BCL7B: variants seen among roughly 807,000 people sequenced by gnomAD.
BCL7B encodes the protein BAF chromatin remodeling complex subunit BCL7B.
A neutral mutation model predicts 26.5 loss-of-function variants in BCL7B; 11 were observed. That is an observed-to-expected ratio of 0.42 (90% confidence interval 0.26 to 0.69). The LOEUF (loss-of-function observed/expected upper bound fraction) is 0.69. Among genes scored for constraint, BCL7B ranks in the 30% least tolerant of loss-of-function variants. The probability of loss-of-function intolerance (pLI) is 0.28; values close to 1 mark genes in which losing one functional copy is unlikely to be tolerated. For missense variants in BCL7B, 215 were observed against 264.4 expected (o/e 0.81, Z 1.30); for synonymous variants, 111 against 107.9 (o/e 1.03, Z -0.18).
rs1554582853 is a variant in BCL7B, at chr7:73,541,330, G to A, written c.266-1278C>T. Among the ~76,000 whole-genome samples, 3 of 152,008 alleles carry A rather than the reference G, an allele frequency of 2.0e-5. 1 individual carries two copies. On this transcript the variant is annotated intron_variant, in intron 3 of 5. Transcript: ENST00000223368. ...CTCATCATCTCCAGCCTGGCCTCCT[G>A]CAACAGCCACATACCTCACTGCCCT...
chr7:73,557,634 C>G lies in BCL7B; in HGVS notation c.-56G>C. ...ACTGCTCCCAAGACACCGGGGATCG[C>G]GCGCCTCACGCGCCGCCGCCCGCCC... On this transcript the variant is annotated 5_prime_UTR_variant, in exon 1 of 6. Transcript: ENST00000223368. 9.6e-7 allele frequency: 1 copy of G among 1,043,586 alleles called. No individual in the cohort carries two copies. The highest frequency in any genetic ancestry group is 1.2e-6 in the Non-Finnish European group (1 of 836,394). The allele number at this position is 1,043,586 out of a possible 1,614,324, so 64.6% of individuals were successfully genotyped here.
chr7:73,543,629 A>C lies in BCL7B; in HGVS notation c.184T>G (p.Ser62Ala). The C allele has an allele frequency of 1.2e-6, 2 of 1,613,406 alleles. No homozygotes were observed. Among genetic ancestry groups the C allele is most frequent in the Non-Finnish European group, 1.7e-6 (2 of 1,179,684 alleles). The change falls in exon 3 of 6, where the codon TCG (serine) becomes GCG (alanine). Residue 62 changes from serine to alanine, a missense_variant. By Grantham distance (99) the Ser-to-Ala change is moderately conservative. Coordinates refer to ENST00000223368, the MANE Select transcript of BCL7B (RefSeq NM_001707.4). The part of the protein sequence containing the change: ...TDSKEKEKSK[S>A]NSSAAREPNG... ...GGTTCTCGGGCTGCTGAACTGTTCG[A>C]TTTTGACTTTTCTTTCTAGAAAAGG...
intron 3 of BCL7B, among the ~76,000 whole-genome samples, chr7:73,541,850 C>T (rs55736799): frequency 0.058 from 8,880 of 152,268 alleles, 281 homozygotes; most frequent in African/African-American, 0.067. Flanking sequence ...TCAGTGCCTA[C>T]TGTTCTCCTA....
chr7:73,552,092 C>CAAAAA, intron 2 of BCL7B, 75 bp downstream of exon 2: 3 of 1,022,168 alleles, frequency 2.9e-6, no homozygotes, highest in East Asian at 2.8e-5. Context: ...GACTCCGTCC[C>CAAAAA]AAAAAAAAAA....
intron 2 of BCL7B, 101 bp from the exon 3 acceptor site, chr7:73,543,745 C>T: frequency 1.1e-6 from 1 of 911,336 alleles, no homozygotes; most frequent in Non-Finnish European, 1.7e-6. Flanking sequence ...TGGATTAGGA[C>T]TGAACAGGAA....
chr7:73,543,617 C>A lies in BCL7B; in HGVS notation c.196G>T (p.Ala66Ser). Residue 66 changes from alanine (A) to serine (S), a missense_variant, in exon 3 of 6, where the codon GCA (alanine) becomes TCA (serine). Physicochemically the swap from Ala to Ser is moderately conservative, Grantham distance 99 (BLOSUM62 1). Transcript: ENST00000223368. Reference sequence around the variant, plus strand: ...GGAAAGCCATTAGGTTCTCGGGCTGCTGAACTGTTCGATTTTGACTTTTCT... The same window carrying A: ...GGAAAGCCATTAGGTTCTCGGGCTGATGAACTGTTCGATTTTGACTTTTCT... ...EKEKSKSNSS[A>S]AREPNGFPSD... The A allele has an allele frequency of 6.2e-7, 1 of 1,613,622 alleles. No individual in the cohort carries two copies. Among genetic ancestry groups the A allele is most frequent in the Non-Finnish European group, 8.5e-7 (1 of 1,179,860 alleles).
chr7:73,555,574 G>A (rs1267273291), intron 1 of BCL7B, among the ~76,000 whole-genome samples: 1 of 152,072 alleles, frequency 6.6e-6, no homozygotes, highest in Non-Finnish European at 1.5e-5. Context: ...GAGGAGAGAG[G>A]AAGAAGAATG....
In BCL7B at chr7:73,542,182, G is replaced by A. The variant is rs540524363; in HGVS notation, c.265+1366C>T. Among the ~76,000 whole-genome samples, 192 of 152,330 alleles carry A rather than the reference G, an allele frequency of 1.3e-3. 4 individuals carry two copies. The South Asian group carries it at 0.028, about 22-fold the overall frequency. On this transcript the variant is annotated intron_variant, in intron 3 of 5. Coordinates refer to ENST00000223368, the MANE Select transcript of BCL7B (RefSeq NM_001707.4). ...TCCTTGACTCCCCAGTGCAACGCAC[G>A]GTACCTGCATACAGTGGGAGTTCAT...
At chr7:73,546,990 C>T (rs1026905395) in intron 2 of BCL7B, among the ~76,000 whole-genome samples, 2 of 151,340 alleles carry the variant, frequency 1.3e-5, no homozygotes, top group Non-Finnish European at 2.9e-5. Context: ...ACGGAGAAAC[C>T]CCATCTCTAC....
At chr7:73,554,584 G>T (rs562623820) in intron 1 of BCL7B, among the ~76,000 whole-genome samples, 50 of 151,804 alleles carry the variant, frequency 3.3e-4, no homozygotes, top group African/African-American at 1.1e-3. Context: ...GATCACTTGA[G>T]CCCAGGAGTT....
chr7:73,557,353 G>A (rs1792409363), intron 1 of BCL7B, 134 bp downstream of exon 1: 10 of 1,179,814 alleles, frequency 8.5e-6, no homozygotes, highest in Admixed American at 9.2e-5. Flanking sequence ...CGCCAGCGGC[G>A]CCCTCCTCCC....
Position 73,557,059 on chromosome 7 carries a change from T to A in BCL7B, c.92+428A>T, listed in dbSNP as rs527939912. The A allele has an allele frequency of 6.1e-6, 6 of 987,842 alleles. No individual in the cohort carries two copies. In the African/African-American group the frequency reaches 8.7e-5, roughly 14 times the overall value. The allele number at this position is 987,842 out of a possible 1,614,324, so 61.2% of individuals were successfully genotyped here. ...AACTCACCCAACTTCAACGCCTGAA[T>A]ACGCAGAGCGCTCAGCCTGGCGGGC... On this transcript the variant is annotated intron_variant, in intron 1 of 5. Coordinates refer to ENST00000223368, the MANE Select transcript of BCL7B (RefSeq NM_001707.4).
intron 1 of BCL7B, 146 bp from the exon 2 acceptor site, chr7:73,552,388 C>A: frequency 1.4e-6 from 1 of 690,356 alleles, no homozygotes; most frequent in Non-Finnish European, 2.5e-6. Context: ...TAGCTCACAC[C>A]TGAAATCCCA....
chr7:73,538,507 T>C (rs1167248876), intron 4 of BCL7B, among the ~76,000 whole-genome samples: 2 of 152,120 alleles, frequency 1.3e-5, no homozygotes, highest in Non-Finnish European at 2.9e-5. Context: ...CACATCTATA[T>C]ATCCATATTA....
intron 1 of BCL7B, among the ~76,000 whole-genome samples, chr7:73,555,104 T>C (rs1241380862): frequency 1.3e-5 from 2 of 151,810 alleles, no homozygotes; most frequent in African/African-American, 2.4e-5. Flanking sequence ...TTTTTGTAGG[T>C]TAATTAGTCA....
chr7:73,548,721 G>A (rs968261474), intron 2 of BCL7B, among the ~76,000 whole-genome samples: 33 of 152,092 alleles, frequency 2.2e-4, no homozygotes, highest in African/African-American at 7.2e-4. Context: ...ACCTGAGATC[G>A]GGAGTTGAAG....
intron 2 of BCL7B, among the ~76,000 whole-genome samples, chr7:73,549,201 G>C (rs939606308): frequency 6.6e-6 from 1 of 152,144 alleles, no homozygotes; most frequent in Non-Finnish European, 1.5e-5. Context: ...ATATCTACAG[G>C]AGAACCAGAA....
At chr7:73,550,782 C>T (rs1182392498) in intron 2 of BCL7B, among the ~76,000 whole-genome samples, 4 of 151,612 alleles carry the variant, frequency 2.6e-5, no homozygotes, top group South Asian at 2.1e-4. Context: ...CTCAGCCTCC[C>T]GAGTAGCTGG....
Position 73,557,517 on chromosome 7 carries a change from A to G in BCL7B, c.62T>C (p.Val21Ala). 1 of 1,449,838 alleles carries G rather than the reference A, an allele frequency of 6.9e-7. No individual in the cohort carries two copies. Among genetic ancestry groups the G allele is most frequent in the Non-Finnish European group, 9.2e-7 (1 of 1,091,602 alleles). 89.8% of individuals were successfully genotyped at this position (1,449,838 alleles called of 1,614,324 possible). Residue 21 changes from valine (V) to alanine (A), a missense_variant, in exon 1 of 6, where the codon GTG becomes GCG. By Grantham distance (64) the Val-to-Ala change is moderately conservative (BLOSUM62 0). Coordinates refer to ENST00000223368, the MANE Select transcript of BCL7B (RefSeq NM_001707.4). ...RSRAKDDIKK[V>A]MAAIEKVRKW... is the part of the protein sequence containing the mutation. ...CCGCACTTTCTCGATGGCCGCCATC[A>G]CCTTCTTGATGTCGTCCTTGGCCCG...
Sources: gnomAD v4.1 joint callset for allele counts (sites outside exome capture counted in the v4.1 genomes callset) on GRCh38, gnomAD v4.1.1 for gene constraint, MANE v1.5 for transcripts, NCBI Gene and HGNC (gene_info 2026-07-23, HGNC 2026-07-21) for gene names.